The following CRYBA1 variants were observed in gnomAD, a reference collection of about 807,000 sequenced individuals.
CRYBA1 encodes the protein beta-crystallin A3.
In CRYBA1, 25 loss-of-function variants were observed where a neutral mutation model predicts 36.2. That is an observed-to-expected ratio of 0.69 (90% CI 0.50 to 0.97). The LOEUF (loss-of-function observed/expected upper bound fraction) is 0.97. Among genes scored for constraint, CRYBA1 ranks in the 50% least tolerant of loss-of-function variants. The pLI is 0.00. For synonymous variants in CRYBA1, 111 were observed against 90.0 expected, an observed-to-expected ratio of 1.23 and a Z score of -1.32; for missense variants, 224 against 276.3, an observed-to-expected ratio of 0.81 and a Z score of 1.34.
Position 29,249,269 on chromosome 17 carries a change from G to A in CRYBA1, c.96+63G>A, listed in dbSNP as rs928096229. Reference sequence around the variant, plus strand: ...GACATGCTGCACAGAGCAGGCCCCAGGCCTGTGCTCGTCCATAAGGCAGTG... The same window carrying A: ...GACATGCTGCACAGAGCAGGCCCCAAGCCTGTGCTCGTCCATAAGGCAGTG... On this transcript the variant is annotated intron_variant, in intron 2 of 5. Coordinates refer to ENST00000225387, the MANE Select transcript of CRYBA1 (RefSeq NM_005208.5). The A allele has an allele frequency of 2.6e-6, 3 of 1,169,178 alleles. No individual in the cohort carries two copies. The African/African-American group carries it at 4.5e-5, about 18-fold the overall frequency. The allele number at this position is 1,169,178 out of a possible 1,614,324, so 72.4% of individuals were successfully genotyped here.
chr17:29,250,055 C>T (rs2068925814), intron 2 of CRYBA1, 127 bp from the exon 3 acceptor site: 5 of 761,502 alleles, frequency 6.6e-6, no homozygotes, highest in Non-Finnish European at 1.2e-5. Flanking sequence ...TGGAAGAGAC[C>T]TCATCAGGCA....
intron 4 of CRYBA1, 105 bp from the exon 5 acceptor site, chr17:29,253,535 A>C: frequency 1.1e-6 from 1 of 921,310 alleles, no homozygotes; most frequent in Non-Finnish European, 1.7e-6. Context: ...TTAAATTATC[A>C]TGTGCTTCCT....
At position 29,250,257 on chromosome 17, in the gene CRYBA1, C is replaced by T. The variant is rs375378041; in HGVS notation, c.172C>T (p.Arg58Cys). ...FTSSCPNVSE[R>C]SFDNVRSLKV... is the part of the protein sequence containing the mutation. ...CAGCTCCTGTCCAAATGTCTCTGAG[C>T]GCAGTTTTGATAATGTCCGGTCCCT... Residue 58 changes from arginine to cysteine, a missense_variant, in exon 3 of 6, where the codon CGC becomes TGC. By Grantham distance (180) the Arg-to-Cys change is radical. Coordinates refer to ENST00000225387, the MANE Select transcript of CRYBA1 (RefSeq NM_005208.5). 82 of 1,613,480 alleles carry T rather than the reference C, an allele frequency of 5.1e-5. 1 individual carries two copies. Among genetic ancestry groups the T allele is most frequent in the African/African-American group, 3.3e-4 (25 of 75,008 alleles).
At chr17:29,247,865 G>C (rs909283195) in intron 1 of CRYBA1, among the ~76,000 whole-genome samples, 1 of 152,126 alleles carries the variant, frequency 6.6e-6, no homozygotes, top group Non-Finnish European at 1.5e-5. Context: ...GCCTGTAATC[G>C]CAGCACTTTG....
rs774660772 is a variant in CRYBA1, at chr17:29,254,361, C to A, written c.*12C>A. 4 of 1,613,938 alleles carry A rather than the reference C, an allele frequency of 2.5e-6. No individual in the cohort carries two copies. Among genetic ancestry groups the A allele is most frequent in the Non-Finnish European group, 3.4e-6 (4 of 1,179,878 alleles). On this transcript the variant is annotated 3_prime_UTR_variant, in exon 6 of 6. Coordinates refer to ENST00000225387, the MANE Select transcript of CRYBA1 (RefSeq NM_005208.5). ...GAATCCAACAGTAGCTGATTAAAAG[C>A]TCCAAGTACGATAATTCCTCAAGCA...
At position 29,253,704 on chromosome 17, in the gene CRYBA1, T is replaced by C; in HGVS notation, c.422T>C (p.Ile141Thr). ...AACTTTATTGGACGCCAGTGGGAGA[T>C]CTCTGACGACTACCCCTCCTTGCAA... ...KENFIGRQWE[I>T]SDDYPSLQAM... Residue 141 changes from isoleucine (I) to threonine (T), a missense_variant, in exon 5 of 6, where the codon ATC (isoleucine) becomes ACC (threonine). Coordinates refer to ENST00000225387, the MANE Select transcript of CRYBA1 (RefSeq NM_005208.5). The C allele has an allele frequency of 6.2e-7, 1 of 1,614,010 alleles. No homozygotes were observed.
At position 29,254,492 on chromosome 17, in the gene CRYBA1, A is replaced by C; in HGVS notation, c.*143A>C. ...ACAATAAACGTCATTTAAAAAAAAA[A>C]AACTTTGTAGACTGAATTAACTACC... is the stretch of plus-strand genomic sequence containing the variant. On this transcript the variant is annotated 3_prime_UTR_variant, in exon 6 of 6. Coordinates refer to ENST00000225387, the MANE Select transcript of CRYBA1 (RefSeq NM_005208.5). 1 of 873,468 alleles carries C rather than the reference A, an allele frequency of 1.1e-6. No homozygotes were observed. Among genetic ancestry groups the C allele is most frequent in the East Asian group, 2.5e-5 (1 of 40,668 alleles). 54.1% of individuals were successfully genotyped at this position (873,468 alleles called of 1,614,324 possible).
intron 1 of CRYBA1, among the ~76,000 whole-genome samples, chr17:29,248,460 G>C (rs2068915003): frequency 6.6e-6 from 1 of 151,116 alleles, no homozygotes; most frequent in Non-Finnish European, 1.5e-5. Flanking sequence ...TGCCTCCCGG[G>C]TTCAAGCGAT....
Position 29,254,312 on chromosome 17 carries a change from C to T in CRYBA1, c.611C>T (p.Thr204Ile). 1 of 1,614,176 alleles carries T rather than the reference C, an allele frequency of 6.2e-7. No individual in the cohort carries two copies. The highest frequency in any genetic ancestry group is 8.5e-7 in the Non-Finnish European group (1 of 1,180,024). The change falls in exon 6 of 6, where the codon ACT becomes ATT. Residue 204 changes from threonine (T) to isoleucine (I), a missense_variant. Thr to Ile is a moderately conservative substitution (Grantham distance 89). Transcript: ENST00000225387. ...HWREWGSHAQ[T>I]SQIQSIRRIQ... is the part of the protein sequence containing the mutation. ...AGAGAGTGGGGCTCTCATGCCCAGA[C>T]TTCGCAGATCCAATCGATTCGCCGA...
intron 3 of CRYBA1, among the ~76,000 whole-genome samples, chr17:29,251,203 T>C (rs2068933475): frequency 6.6e-6 from 1 of 152,240 alleles, no homozygotes; most frequent in Non-Finnish European, 1.5e-5. Context: ...GCCAACAGGT[T>C]TGGCTTGAGC....
intron 5 of CRYBA1, 87 bp from the exon 6 acceptor site, chr17:29,254,115 T>C (rs2068953323): frequency 1.4e-6 from 2 of 1,397,418 alleles, no homozygotes; most frequent in Non-Finnish European, 2.0e-6. Flanking sequence ...TCTCATACCA[T>C]TGTGTTGAGT....
At chr17:29,254,126 A>T in intron 5 of CRYBA1, 76 bp from the exon 6 acceptor site, 2 of 1,509,234 alleles carry the variant, frequency 1.3e-6, no homozygotes, top group Non-Finnish European at 9.2e-7. Flanking sequence ...TGTGTTGAGT[A>T]AAGAGGCTCA....
chr17:29,252,610 T>C (rs987235110), intron 4 of CRYBA1, among the ~76,000 whole-genome samples: 2 of 107,304 alleles, frequency 1.9e-5, no homozygotes, highest in African/African-American at 7.0e-5. Context: ...ACTGACGAAA[T>C]AGGCAAGTCT....
intron 5 of CRYBA1, among the ~76,000 whole-genome samples, 176 bp from the exon 6 acceptor site, chr17:29,254,026 T>G (rs1295188165): frequency 6.6e-6 from 1 of 152,184 alleles, no homozygotes; most frequent in Non-Finnish European, 1.5e-5. Flanking sequence ...TAAGGCTAAT[T>G]AACTAGCTAT....
At chr17:29,248,553 C>T (rs753599655) in intron 1 of CRYBA1, among the ~76,000 whole-genome samples, 174 of 151,106 alleles carry the variant, frequency 1.2e-3, no homozygotes, top group Non-Finnish European at 2.0e-3. Flanking sequence ...TTAGTAGAGA[C>T]GGGGTTTCAC....
At chr17:29,252,592 T>G (rs1406813644) in intron 4 of CRYBA1, among the ~76,000 whole-genome samples, 1 of 152,186 alleles carries the variant, frequency 6.6e-6, no homozygotes, top group Non-Finnish European at 1.5e-5. Flanking sequence ...TTTCAGTAAG[T>G]GGGAATGACT....
intron 1 of CRYBA1, 149 bp downstream of exon 1, chr17:29,247,043 T>A: frequency 5.8e-6 from 5 of 865,216 alleles, no homozygotes; most frequent in Non-Finnish European, 9.4e-6. Flanking sequence ...GACAGCCTTC[T>A]CTTGTCACCC....
rs564686437 is a variant in CRYBA1 at position 29,253,540 on chromosome 17, C to T, written c.358-100C>T. On this transcript the variant is annotated intron_variant, in intron 4 of 5. Coordinates refer to ENST00000225387, the MANE Select transcript of CRYBA1 (RefSeq NM_005208.5). ...CTTAATCTTTTTAAATTATCATGTG[C>T]TTCCTTGTATAATCCAAAAGTGTTT... 48 of 958,986 alleles carry T rather than the reference C, an allele frequency of 5.0e-5. 1 individual carries two copies. The South Asian group carries it at 7.5e-4, about 15-fold the overall frequency. 59.4% of individuals were successfully genotyped at this position (958,986 alleles called of 1,614,324 possible).
At chr17:29,250,118 G>T (rs529475301) in intron 2 of CRYBA1, 64 bp from the exon 3 acceptor site, 14 of 925,904 alleles carry the variant, frequency 1.5e-5, no homozygotes, top group Non-Finnish European at 2.4e-5. Context: ...AAGTTAAGCT[G>T]TTGACCTGGA....
Sources: gnomAD v4.1 joint callset for allele counts (sites outside exome capture counted in the v4.1 genomes callset) on GRCh38, gnomAD v4.1.1 for gene constraint, MANE v1.5 for transcripts, NCBI Gene and HGNC (gene_info 2026-07-23, HGNC 2026-07-21) for gene names.